CD82: variants seen among roughly 807,000 people sequenced by gnomAD.
The protein encoded by CD82 is CD82 molecule, also known as CD82 antigen.
CD82 carries 36 observed loss-of-function variants against 37.4 expected under a neutral mutation model. That is an observed-to-expected ratio of 0.96 (90% CI 0.74 to 1.27). The LOEUF (loss-of-function observed/expected upper bound fraction) is 1.27. Ranked by LOEUF, CD82 falls within the 50% of genes most tolerant of loss-of-function variation. The pLI is 0.00. For missense variants in CD82, 340 were observed against 347.0 expected (o/e 0.98, Z 0.16); for synonymous variants, 158 against 137.4 (o/e 1.15, Z -1.05).
At chr11:44,567,441 G>A (rs796477628) in intron 1 of CD82, among the ~76,000 whole-genome samples, 12 of 151,938 alleles carry the variant, frequency 7.9e-5, no homozygotes, top group African/African-American at 2.7e-4. Context: ...GAGAAGCCAG[G>A]GCAGGGGGTG....
At chr11:44,567,470 G>C (rs1448310178) in intron 1 of CD82, among the ~76,000 whole-genome samples, 1 of 152,014 alleles carries the variant, frequency 6.6e-6, no homozygotes, top group Non-Finnish European at 1.5e-5. Context: ...GAGGCTTCCT[G>C]GAGGGGGTGA....
At chr11:44,605,658 T>C (rs981132041) in intron 6 of CD82, among the ~76,000 whole-genome samples, 5 of 152,210 alleles carry the variant, frequency 3.3e-5, no homozygotes, top group South Asian at 2.1e-4. Flanking sequence ...CTGACCCCCC[T>C]GCTTTCTAGC....
chr11:44,615,330 G>A lies in CD82; in HGVS notation c.395G>A (p.Arg132His), dbSNP rs117157354. The change falls in exon 7 of 10, where the codon CGC (arginine) becomes CAC (histidine). Residue 132 changes from arginine to histidine, a missense_variant. Physicochemically the swap from Arg to His is conservative, Grantham distance 29 (BLOSUM62 0). Transcript: ENST00000227155. ...CTCATTCGAGACTACAACAGCAGTC[G>A]CGAGGACAGCCTGCAGGATGCCTGG... ...TELIRDYNSS[R>H]EDSLQDAWDY... The A allele has an allele frequency of 1.7e-5, 28 of 1,613,620 alleles. No individual in the cohort carries two copies. The highest frequency in any genetic ancestry group is 2.1e-5 in the Non-Finnish European group (25 of 1,179,654).
chr11:44,592,025 G>T (rs1390741635), intron 2 of CD82, among the ~76,000 whole-genome samples: 1 of 151,984 alleles, frequency 6.6e-6, no homozygotes, highest in African/African-American at 2.4e-5. Context: ...CACCATGTTG[G>T]CCAGGCTGGT....
intron 4 of CD82, among the ~76,000 whole-genome samples, chr11:44,602,266 C>T (rs758525402): frequency 3.9e-5 from 6 of 152,202 alleles, no homozygotes; most frequent in East Asian, 1.9e-4. Flanking sequence ...GTTCGATTCA[C>T]GGCGGTGCTG....
At chr11:44,565,951 C>G (rs1239789343) in intron 1 of CD82, 3 of 152,244 alleles carry the variant, frequency 2.0e-5, no homozygotes, top group Admixed American at 6.5e-5. Context: ...GGGTCCGTCC[C>G]TCTACCTGGC....
intron 1 of CD82, among the ~76,000 whole-genome samples, chr11:44,570,136 G>A (rs1852793713): frequency 6.6e-6 from 1 of 152,212 alleles, no homozygotes; most frequent in South Asian, 2.1e-4. Context: ...CGCCAGTCAT[G>A]TCTGGCTATG....
intron 1 of CD82, chr11:44,566,088 G>T (rs183555572): frequency 6.6e-6 from 1 of 152,398 alleles, no homozygotes; most frequent in African/African-American, 2.4e-5. Flanking sequence ...GGTCGCCACA[G>T]GTGTTCCCAT....
At chr11:44,617,145 T>C (rs1853575759) in intron 7 of CD82, among the ~76,000 whole-genome samples, 1 of 152,152 alleles carries the variant, frequency 6.6e-6, no homozygotes. Context: ...GGCTATCCCA[T>C]TGAATCCTCC....
rs1455327277 is a variant in CD82 at position 44,618,091 on chromosome 11, C to A, written c.439-71C>A. On this transcript the variant is annotated intron_variant, in intron 7 of 9. Coordinates refer to ENST00000227155, the MANE Select transcript of CD82 (RefSeq NM_002231.4). ...TCAGTCTCTGTCCTGGGGAGGTCCT[C>A]CCTCTGCCAGGAGGGCAGCCTGCCT... The A allele has an allele frequency of 7.1e-6, 10 of 1,407,702 alleles. No individual in the cohort carries two copies. In the Admixed American group the frequency reaches 1.6e-4, roughly 22 times the overall value. 87.2% of individuals were successfully genotyped at this position (1,407,702 alleles called of 1,614,324 possible).
rs1403642546 is a variant in CD82, at chr11:44,597,871, C to G, written c.64-2287C>G. Among the ~76,000 whole-genome samples the G allele has an allele frequency of 1.3e-5, 2 of 152,078 alleles. No homozygotes were observed. Among genetic ancestry groups the G allele is most frequent in the Non-Finnish European group, 2.9e-5 (2 of 68,000 alleles). ...GTTGCAGGTCTTGGGGAACCAAACT[C>G]CCAGGTCCTGGAAAGCCCCCATTTC... On this transcript the variant is annotated intron_variant, in intron 3 of 9. Transcript: ENST00000227155. The surrounding 1 kb of genome is among the most constrained non-coding windows in gnomAD (Gnocchi z 4.1).
chr11:44,574,223 T>G (rs186288539), intron 1 of CD82, among the ~76,000 whole-genome samples: 22 of 152,314 alleles, frequency 1.4e-4, no homozygotes, highest in African/African-American at 3.8e-4. Flanking sequence ...TCACAGGATC[T>G]TGGTGTTGTG....
At chr11:44,571,577 A>T (rs551563182) in intron 1 of CD82, among the ~76,000 whole-genome samples, 97 of 151,780 alleles carry the variant, frequency 6.4e-4, no homozygotes, top group Non-Finnish European at 1.3e-3. Flanking sequence ...TTTTATTTTT[A>T]TTTTTATTTT....
intron 1 of CD82, chr11:44,585,439 G>A (rs1374105332): frequency 2.4e-6 from 1 of 410,974 alleles, no homozygotes; most frequent in East Asian, 7.1e-5. Context: ...AGGCTACACT[G>A]CTGGCAAGGT....
At chr11:44,614,020 T>C (rs7946067) in intron 6 of CD82, among the ~76,000 whole-genome samples, 71,322 of 151,670 alleles carry the variant, frequency 0.47, 19,361 homozygotes, top group East Asian at 0.81. Flanking sequence ...TGTTTTTGTT[T>C]TTTGTTTTTT....
intron 6 of CD82, among the ~76,000 whole-genome samples, chr11:44,610,386 C>T (rs1853463505): frequency 6.6e-6 from 1 of 152,214 alleles, no homozygotes; most frequent in Non-Finnish European, 1.5e-5. Flanking sequence ...CCGCAACATG[C>T]TATTGTGTGA....
In CD82 at chr11:44,612,113, A is replaced by T. The variant is rs114251700; in HGVS notation, c.337-3159A>T. 1.4e-3 allele frequency among the ~76,000 whole-genome samples: 214 copies of T among 152,358 alleles called. 1 individual carries two copies. The highest frequency in any genetic ancestry group is 5.0e-3 in the African/African-American group (209 of 41,576). On this transcript the variant is annotated intron_variant, in intron 6 of 9. Coordinates refer to ENST00000227155, the MANE Select transcript of CD82 (RefSeq NM_002231.4). ...GGTTGAGAGGTGGACCCGAGATGTC[A>T]GATCACCTGGCAGACAGCCCCAGCT...
chr11:44,588,013 T>C (rs1853082474), intron 2 of CD82: 1 of 218,834 alleles, frequency 4.6e-6, no homozygotes, highest in Non-Finnish European at 9.5e-6. Context: ...GCAATATTTG[T>C]TGGGAGTCTG....
chr11:44,568,868 GTGT>G (rs1346708485), intron 1 of CD82, among the ~76,000 whole-genome samples: 8 of 152,240 alleles, frequency 5.3e-5, no homozygotes, highest in Admixed American at 5.2e-4. Flanking sequence ...CAAGTTCTGA[GTGT>G]TGTTTCAGAT....
Sources: gnomAD v4.1 joint callset for allele counts (sites outside exome capture counted in the v4.1 genomes callset) on GRCh38, gnomAD v4.1.1 for gene constraint, Gnocchi (gnomAD v3.1) non-coding constraint, MANE v1.5 for transcripts, NCBI Gene and HGNC (gene_info 2026-07-23, HGNC 2026-07-21) for gene names.